Variants in CFAP100 observed in about 807,000 individuals in gnomAD.
The protein encoded by CFAP100 is cilia- and flagella-associated protein 100.
CFAP100 carries 70 observed loss-of-function variants against 81.5 expected under a neutral mutation model. The ratio of observed to expected loss-of-function variants is 0.86; its 90% CI spans 0.71 to 1.05. The LOEUF is 1.05. CFAP100 is among the 50% of genes least tolerant of loss of function. The pLI, the probability that CFAP100 is intolerant of heterozygous loss-of-function variation, is 0.00. For missense variants in CFAP100, 811 were observed against 776.5 expected (o/e 1.04, Z -0.53); for synonymous variants, 341 against 314.8 (o/e 1.08, Z -0.88).
intron 13 of CFAP100, among the ~76,000 whole-genome samples, chr3:126,427,338 C>A (rs1028308077): frequency 1.3e-5 from 2 of 152,190 alleles, no homozygotes; most frequent in Admixed American, 6.5e-5. Flanking sequence ...GAGAGCCTAG[C>A]AATTGACCCA....
At chr3:126,414,385 C>T (rs1208061332) in intron 4 of CFAP100, 2 of 675,380 alleles carry the variant, frequency 3.0e-6, no homozygotes, top group East Asian at 2.7e-5. Context: ...ATCTTCCCGT[C>T]TGTCACCACT....
At chr3:126,435,523 T>TC (rs1280792055) in intron 15 of CFAP100, 36 bp from the exon 16 acceptor site, 3 of 1,572,128 alleles carry the variant, frequency 1.9e-6, no homozygotes, top group Admixed American at 1.7e-5. Context: ...ACCTTCCAGG[T>TC]CCCCCCAGTT....
chr3:126,431,049 G>A (rs993171140), intron 13 of CFAP100, among the ~76,000 whole-genome samples: 1 of 152,168 alleles, frequency 6.6e-6, no homozygotes, highest in Non-Finnish European at 1.5e-5. Context: ...AGTCTTTAGG[G>A]ACTGGCTTCA....
Position 126,395,948 on chromosome 3 carries a change from A to G in CFAP100, c.-53A>G. 1 of 1,453,336 alleles carries G rather than the reference A, an allele frequency of 6.9e-7. No homozygotes were observed. Among genetic ancestry groups the G allele is most frequent in the Non-Finnish European group, 9.7e-7 (1 of 1,034,158 alleles). 90.0% of individuals were successfully genotyped at this position (1,453,336 alleles called of 1,614,324 possible). On this transcript the variant is annotated 5_prime_UTR_variant, in exon 2 of 17. Transcript: ENST00000352312. ...GCACTGTGTCACTCCTCAGGTGAGG[A>G]TCTCCTTTAGAAGAGGAGAAGCCTT... is the stretch of plus-strand genomic sequence containing the variant.
intron 3 of CFAP100, among the ~76,000 whole-genome samples, chr3:126,408,371 C>T (rs1156575219): frequency 1.3e-5 from 2 of 152,176 alleles, no homozygotes; most frequent in Non-Finnish European, 1.5e-5. Flanking sequence ...AAACATTTTC[C>T]GTAGAAGATT....
At chr3:126,415,418 A>T (rs1400571973) in intron 4 of CFAP100, among the ~76,000 whole-genome samples, 1 of 144,900 alleles carries the variant, frequency 6.9e-6, no homozygotes, top group Non-Finnish European at 1.5e-5. Flanking sequence ...CACCACTCAC[A>T]ACCTCCCCCT....
intron 2 of CFAP100, among the ~76,000 whole-genome samples, chr3:126,397,891 G>A (rs139403425): frequency 0.015 from 2,285 of 152,354 alleles, 21 homozygotes; most frequent in Non-Finnish European, 0.023. Flanking sequence ...GAGGGCCCAG[G>A]GCAGGGGCCT....
intron 11 of CFAP100, among the ~76,000 whole-genome samples, chr3:126,421,907 G>C (rs1163694943): frequency 6.6e-6 from 1 of 152,234 alleles, no homozygotes. Flanking sequence ...TCTGCGTTGA[G>C]GAGCAGAGGT....
rs750573498 is a variant in CFAP100 at position 126,414,171 on chromosome 3, G to C, written c.217G>C (p.Ala73Pro). The C allele has an allele frequency of 3.7e-6, 6 of 1,612,728 alleles. No individual in the cohort carries two copies. In the South Asian group the frequency reaches 4.4e-5, roughly 12 times the overall value. The stretch of plus-strand genomic sequence containing the variant: ...GCTCAGAGATCAGGAGCGGAATAAG[G>C]CTCTCTCCGTGAGTATCCAGGACAG... ...FLLRDQERNK[A>P]LSERQQQKTM... Residue 73 changes from alanine (A) to proline (P), a missense_variant, in exon 4 of 17, where the codon GCT becomes CCT. Physicochemically the swap from Ala to Pro is conservative, Grantham distance 27. Transcript: ENST00000352312.
At chr3:126,415,007 G>A (rs2083212029) in intron 4 of CFAP100, among the ~76,000 whole-genome samples, 5 of 152,210 alleles carry the variant, frequency 3.3e-5, no homozygotes, top group Admixed American at 3.3e-4. Context: ...CCACATCAGA[G>A]ACCAGGGCTG....
In CFAP100 at chr3:126,416,474, CG is replaced by C. The variant is rs1489782344; in HGVS notation, c.385del (p.Asp129ThrfsTer9). The C allele has an allele frequency of 6.2e-7, 1 of 1,604,356 alleles. No individual in the cohort carries two copies. The highest frequency in any genetic ancestry group is 8.5e-7 in the Non-Finnish European group (1 of 1,175,560). On this transcript the variant is annotated frameshift_variant, in exon 5 of 17. Coordinates refer to ENST00000352312, the MANE Select transcript of CFAP100 (RefSeq NM_182628.3). LOFTEE classifies it high-confidence loss of function. ...AEAEHQRAFR[D>X]YTTWKLTLTK... The stretch of plus-strand genomic sequence containing the variant: ...AGGCCGAGCATCAGCGCGCCTTCCG[CG>C]ACTACACGACCTGGAAGCTCACCTT...
At chr3:126,398,048 C>T (rs2082915327) in intron 2 of CFAP100, among the ~76,000 whole-genome samples, 1 of 152,256 alleles carries the variant, frequency 6.6e-6, no homozygotes, top group South Asian at 2.1e-4. Flanking sequence ...GACTATTGGC[C>T]TCTGCCCAGA....
chr3:126,399,776 T>G (rs1250567424), intron 2 of CFAP100, among the ~76,000 whole-genome samples: 2 of 152,170 alleles, frequency 1.3e-5, no homozygotes, highest in African/African-American at 4.8e-5. Flanking sequence ...AAGATCTTGA[T>G]GAGGAGGCTG....
At chr3:126,416,702 C>T (rs2083249983) in intron 5 of CFAP100, 194 bp downstream of exon 5, 2 of 521,168 alleles carry the variant, frequency 3.8e-6, no homozygotes, top group East Asian at 6.6e-5. Context: ...GGATTGCAAA[C>T]CTAAGAGCTT....
chr3:126,433,358 C>G, intron 14 of CFAP100, 154 bp downstream of exon 14: 1 of 846,124 alleles, frequency 1.2e-6, no homozygotes, highest in Non-Finnish European at 1.8e-6. Flanking sequence ...CAGGAGCCAC[C>G]ACATGTATTG....
intron 2 of CFAP100, among the ~76,000 whole-genome samples, chr3:126,400,145 T>C (rs899625199): frequency 3.3e-5 from 5 of 152,194 alleles, no homozygotes; most frequent in South Asian, 4.1e-4. Context: ...ATCAAGAATA[T>C]AGAAAGAAAT....
intron 11 of CFAP100, among the ~76,000 whole-genome samples, chr3:126,421,741 G>C (rs66539947): frequency 6.6e-6 from 1 of 152,154 alleles, no homozygotes; most frequent in Non-Finnish European, 1.5e-5. Context: ...TGCTTCTCCA[G>C]TTGGAAGAGG....
chr3:126,422,595 G>C (rs2083350516), intron 11 of CFAP100, among the ~76,000 whole-genome samples: 1 of 152,154 alleles, frequency 6.6e-6, no homozygotes, highest in African/African-American at 2.4e-5. Flanking sequence ...TCCCCATCGA[G>C]TGGGGCCTTC....
chr3:126,400,287 A>G (rs1343330408), intron 2 of CFAP100, among the ~76,000 whole-genome samples: 1 of 152,196 alleles, frequency 6.6e-6, no homozygotes, highest in Non-Finnish European at 1.5e-5. Context: ...CAACATCATC[A>G]GTCATTAAGG....
Sources: gnomAD v4.1 joint callset for allele counts (sites outside exome capture counted in the v4.1 genomes callset) on GRCh38, gnomAD v4.1.1 for gene constraint, MANE v1.5 for transcripts, NCBI Gene and HGNC (gene_info 2026-07-23, HGNC 2026-07-21) for gene names.